Variants in RAB11FIP3 observed in about 807,000 individuals in gnomAD.
RAB11FIP3 encodes the protein rab11 family-interacting protein 3.
RAB11FIP3 carries 17 observed loss-of-function variants against 77.8 expected under a neutral mutation model. The ratio of observed to expected loss-of-function variants is 0.22; its 90% CI spans 0.15 to 0.33. The LOEUF is 0.33. Among genes scored for constraint, RAB11FIP3 ranks in the 10% least tolerant of loss-of-function variants. The probability of loss-of-function intolerance (pLI) is 1.00; values close to 1 mark genes in which losing one functional copy is unlikely to be tolerated. For missense variants in RAB11FIP3, 1,005 were observed against 1,011.2 expected (o/e 0.99, Z 0.08); for synonymous variants, 437 against 448.2 (o/e 0.98, Z 0.31).
At position 505,642 on chromosome 16, in the gene RAB11FIP3, G is replaced by A. The variant is rs1401857495; in HGVS notation, c.1499+15G>A. On this transcript the variant is annotated intron_variant, in intron 8 of 13. Transcript: ENST00000262305. The surrounding 1 kb of genome is among the most constrained non-coding windows in gnomAD (Gnocchi z 4.0). ...CTGGTGCACAGGTGAGCCTGGGCCA[G>A]GAGACCCGGGCCTCTGCGTGGCGCC... 2 of 1,575,478 alleles carry A rather than the reference G, an allele frequency of 1.3e-6. No homozygotes were observed. The highest frequency in any genetic ancestry group is 1.7e-6 in the Non-Finnish European group (2 of 1,166,844).
At chr16:457,489 G>C (rs1020887576) in intron 1 of RAB11FIP3, among the ~76,000 whole-genome samples, 1 of 149,070 alleles carries the variant, frequency 6.7e-6, no homozygotes, top group African/African-American at 2.5e-5. Flanking sequence ...AGGGCAGGCT[G>C]TCTCATTTTT....
intron 9 of RAB11FIP3, among the ~76,000 whole-genome samples, chr16:511,888 C>T (rs1781366178): frequency 1.4e-5 from 2 of 143,102 alleles, no homozygotes; most frequent in African/African-American, 2.7e-5. Flanking sequence ...CCTGATGGCC[C>T]GCCCACCCCA....
At chr16:518,006 CG>C (rs2032496459) in intron 9 of RAB11FIP3, among the ~76,000 whole-genome samples, 1 of 152,254 alleles carries the variant, frequency 6.6e-6, no homozygotes, top group Non-Finnish European at 1.5e-5. Context: ...GGCGTGAACC[CG>C]GAAGGCGAAG....
intron 5 of RAB11FIP3, among the ~76,000 whole-genome samples, chr16:491,443 C>T (rs1038256905): frequency 3.3e-5 from 5 of 152,046 alleles, no homozygotes; most frequent in Non-Finnish European, 7.4e-5. Flanking sequence ...GGCCCTGCCT[C>T]CTCCCCTGCA....
chr16:450,455 C>T (rs542174520), intron 1 of RAB11FIP3, among the ~76,000 whole-genome samples: 7 of 152,314 alleles, frequency 4.6e-5, no homozygotes, highest in African/African-American at 1.4e-4. Context: ...GCTGGGATGA[C>T]AGATGTGACC....
At chr16:475,085 G>A (rs1313088710) in intron 3 of RAB11FIP3, 1 of 1,551,322 alleles carries the variant, frequency 6.4e-7, no homozygotes, top group Non-Finnish European at 8.7e-7. Context: ...GGCCACCCGG[G>A]CCAGCATCTG....
intron 1 of RAB11FIP3, among the ~76,000 whole-genome samples, chr16:456,009 C>T (rs2055496978): frequency 6.6e-6 from 1 of 152,188 alleles, no homozygotes; most frequent in Admixed American, 6.5e-5. Flanking sequence ...GATTCCCACT[C>T]AAGTGCAGGA....
rs1284803992 is a variant in RAB11FIP3, at chr16:461,105, T to C, written c.715-299T>C. ...CGCCTTTCCACAGACGGGCAGGGCG[T>C]TGGGGTGGTTTCAGGATGATACTGT... On this transcript the variant is annotated intron_variant, in intron 1 of 13. Transcript: ENST00000262305. This position sits in a 1 kb window ranked among gnomAD's most constrained non-coding sequence, Gnocchi z 4.5. 6.6e-6 allele frequency among the ~76,000 whole-genome samples: 1 copy of C among 152,040 alleles called. No homozygotes were observed. Among genetic ancestry groups the C allele is most frequent in the African/African-American group, 2.4e-5 (1 of 41,406 alleles).
chr16:482,815 G>T lies in RAB11FIP3; in HGVS notation c.1115+79G>T. The T allele has an allele frequency of 8.4e-6, 12 of 1,436,400 alleles. No individual in the cohort carries two copies. The South Asian group carries it at 1.4e-4, about 16-fold the overall frequency. 89.0% of individuals were successfully genotyped at this position (1,436,400 alleles called of 1,614,324 possible). The stretch of plus-strand genomic sequence containing the variant: ...GGAGGTGTCTGATGGGCAGACTGGG[G>T]TCTTGGAGGAGTGCGTGCTGGTTAG... On this transcript the variant is annotated intron_variant, in intron 4 of 13. Transcript: ENST00000262305.
intron 2 of RAB11FIP3, among the ~76,000 whole-genome samples, chr16:468,451 C>T (rs188778493): frequency 6.2e-4 from 95 of 152,138 alleles, no homozygotes; most frequent in Non-Finnish European, 9.7e-4. Flanking sequence ...AAAACGAAGT[C>T]GAAGATGATT....
At chr16:467,414 GCCTCAGGGAGGAGGTGCTGGGA>G (rs1332901166) in intron 2 of RAB11FIP3, among the ~76,000 whole-genome samples, 1 of 146,974 alleles carries the variant, frequency 6.8e-6, no homozygotes, top group Non-Finnish European at 1.5e-5. Context: ...AGGTGCAGTA[GCCTCAGGGAGGAGGTGCTGGGA>G]CGTCAGGGAG....
rs1052603800 is a variant in RAB11FIP3, at chr16:505,292, C to T, written c.1396-232C>T. Among the ~76,000 whole-genome samples, 5 of 152,202 alleles carry T rather than the reference C, an allele frequency of 3.3e-5. No individual in the cohort carries two copies. The highest frequency in any genetic ancestry group is 9.6e-5 in the African/African-American group (4 of 41,526). On this transcript the variant is annotated intron_variant, in intron 7 of 13. Transcript: ENST00000262305. The surrounding 1 kb of genome is among the most constrained non-coding windows in gnomAD (Gnocchi z 4.0). Reference sequence around the variant, plus strand: ...CCTGGGCCCCGAGCCCTCAGAGCTGCGGCACTGTGTGCATTTGTGGGTCGA... The same window carrying T: ...CCTGGGCCCCGAGCCCTCAGAGCTGTGGCACTGTGTGCATTTGTGGGTCGA...
At chr16:516,885 A>G (rs532212734) in intron 9 of RAB11FIP3, among the ~76,000 whole-genome samples, 1 of 152,186 alleles carries the variant, frequency 6.6e-6, no homozygotes, top group East Asian at 1.9e-4. Flanking sequence ...AATAGAGAAG[A>G]CACAAATCTT....
chr16:484,409 T>C (rs2056109171), intron 4 of RAB11FIP3, among the ~76,000 whole-genome samples: 1 of 151,828 alleles, frequency 6.6e-6, no homozygotes. Context: ...TGGAGTGCAG[T>C]GGTGCGATCT....
At chr16:486,685 A>ATGTTG (rs2056161291) in intron 4 of RAB11FIP3, among the ~76,000 whole-genome samples, 2 of 152,106 alleles carry the variant, frequency 1.3e-5, no homozygotes, top group Non-Finnish European at 2.9e-5. Context: ...CCTCAGTGTG[A>ATGTTG]CGTTGCATGT....
chr16:468,571 G>C (rs1041719394), intron 2 of RAB11FIP3, among the ~76,000 whole-genome samples: 14 of 152,122 alleles, frequency 9.2e-5, no homozygotes, highest in Non-Finnish European at 1.6e-4. Flanking sequence ...AGCAGCCTGT[G>C]TTGTCTGTCA....
At chr16:463,693 C>A (rs1170349644) in intron 2 of RAB11FIP3, among the ~76,000 whole-genome samples, 1 of 152,178 alleles carries the variant, frequency 6.6e-6, no homozygotes, top group African/African-American at 2.4e-5. Context: ...CCACCTTGGC[C>A]TCCCAAAGTG....
Position 471,368 on chromosome 16 carries a change from C to G in RAB11FIP3, c.882C>G (p.Phe294Leu). 1 of 1,613,010 alleles carries G rather than the reference C, an allele frequency of 6.2e-7. No individual in the cohort carries two copies. Among genetic ancestry groups the G allele is most frequent in the Non-Finnish European group, 8.5e-7 (1 of 1,179,274 alleles). ...AGCCCCTGGCCTGCCCGGACGAGTT[C>G]GATGACTTCGTCACCTATGAGGCAA... ...DEEPLACPDE[F>L]DDFVTYEANE... Residue 294 changes from phenylalanine (F) to leucine (L), a missense_variant, in exon 3 of 14, where the codon TTC becomes TTG. Around this residue, in one of 4 missense-constraint regions of RAB11FIP3, gnomAD observed 466 missense variants for 408.3 expected, o/e 1.14. Transcript: ENST00000262305. The surrounding 1 kb of genome is among the most constrained non-coding windows in gnomAD (Gnocchi z 4.4).
At chr16:511,311 C>A (rs1345202748) in intron 9 of RAB11FIP3, among the ~76,000 whole-genome samples, 8 of 123,262 alleles carry the variant, frequency 6.5e-5, no homozygotes, top group African/African-American at 9.5e-5. Flanking sequence ...ACAGCCCGCC[C>A]ACCCCAGAAA....
Sources: allele counts gnomAD v4.1 joint callset (sites outside exome capture counted in the v4.1 genomes callset), GRCh38; gene constraint gnomAD v4.1.1; regional missense constraint gnomAD v4.1.1; non-coding constraint Gnocchi (gnomAD v3.1); transcripts MANE v1.5; gene names NCBI Gene and HGNC (gene_info 2026-07-23, HGNC 2026-07-21).